The following PCSK2 variants were observed in gnomAD, a reference collection of about 807,000 sequenced individuals.
PCSK2 encodes the protein proprotein convertase subtilisin/kexin type 2.
A neutral mutation model predicts 69.7 loss-of-function variants in PCSK2; 14 were observed. The ratio of observed to expected loss-of-function variants is 0.20; its 90% CI spans 0.13 to 0.31. The LOEUF (loss-of-function observed/expected upper bound fraction) is 0.31. Ranked by LOEUF, PCSK2 falls within the 10% of genes least tolerant of loss-of-function variation. The probability of loss-of-function intolerance (pLI) is 1.00; values close to 1 mark genes in which losing one functional copy is unlikely to be tolerated. For synonymous variants in PCSK2, 307 were observed against 320.7 expected (o/e 0.96, Z 0.46); for missense variants, 544 against 842.5 (o/e 0.65, Z 4.39).
At chr20:17,334,943 T>A (rs1990303096) in intron 2 of PCSK2, among the ~76,000 whole-genome samples, 1 of 152,238 alleles carries the variant, frequency 6.6e-6, no homozygotes, top group African/African-American at 2.4e-5. Flanking sequence ...AAATCTGGTG[T>A]AAAACCGGCA....
At chr20:17,446,020 C>T (rs182990867) in intron 8 of PCSK2, among the ~76,000 whole-genome samples, 87 of 152,326 alleles carry the variant, frequency 5.7e-4, no homozygotes, top group African/African-American at 2.0e-3. Context: ...CAAACCAAGA[C>T]AGTTGGTCAC....
At chr20:17,268,033 G>GTATGTATATATATA (rs1433692727) in intron 2 of PCSK2, among the ~76,000 whole-genome samples, 4 of 66,338 alleles carry the variant, frequency 6.0e-5, no homozygotes, top group Admixed American at 1.8e-4. Context: ...TATCCAATGT[G>GTATGTATATATATA]TATATATATA....
At chr20:17,410,467 G>A (rs1019102970) in intron 6 of PCSK2, among the ~76,000 whole-genome samples, 2 of 152,086 alleles carry the variant, frequency 1.3e-5, no homozygotes, top group African/African-American at 2.4e-5. Context: ...GGTTGACACA[G>A]GGTACACAGG....
chr20:17,368,263 G>C (rs2030657783), intron 4 of PCSK2, among the ~76,000 whole-genome samples: 2 of 152,074 alleles, frequency 1.3e-5, no homozygotes, highest in African/African-American at 4.8e-5. Context: ...CAGCTGCTGG[G>C]CCAAGCATAC....
rs551727541 is a variant in PCSK2, at chr20:17,420,097, C to A, written c.621-9338C>A. Among the ~76,000 whole-genome samples the A allele has an allele frequency of 1.4e-4, 22 of 152,292 alleles. No homozygotes were observed. In the South Asian group the frequency reaches 1.5e-3, roughly 10 times the overall value. On this transcript the variant is annotated intron_variant, in intron 6 of 11. Coordinates refer to ENST00000262545, the MANE Select transcript of PCSK2 (RefSeq NM_002594.5). ...AATGTGATTGATAGCATTAGTTAAACCTTCAAATAAGAAAGGTTTTCTGGG... is the reference window on the plus strand; with the variant it reads ...AATGTGATTGATAGCATTAGTTAAAACTTCAAATAAGAAAGGTTTTCTGGG...
chr20:17,385,510 G>A (rs1024864524), intron 5 of PCSK2, among the ~76,000 whole-genome samples: 1 of 152,230 alleles, frequency 6.6e-6, no homozygotes, highest in Non-Finnish European at 1.5e-5. Context: ...CAAGTAGTTT[G>A]AATCTAGTTA....
chr20:17,317,559 G>C (rs1043695929), intron 2 of PCSK2, among the ~76,000 whole-genome samples: 1 of 152,124 alleles, frequency 6.6e-6, no homozygotes, highest in African/African-American at 2.4e-5. Flanking sequence ...TATTAGACGT[G>C]TTTTTCTTTT....
intron 5 of PCSK2, among the ~76,000 whole-genome samples, chr20:17,393,641 T>A (rs1002289265): frequency 3.9e-5 from 6 of 152,198 alleles, no homozygotes; most frequent in Non-Finnish European, 5.9e-5. Flanking sequence ...ACTAAAGATT[T>A]TCTGTTCAAA....
chr20:17,376,315 A>G (rs1480445010), intron 5 of PCSK2, among the ~76,000 whole-genome samples: 1 of 152,240 alleles, frequency 6.6e-6, no homozygotes, highest in Non-Finnish European at 1.5e-5. Flanking sequence ...CCTAGCTGCC[A>G]GCTGAACTGT....
In PCSK2 at chr20:17,273,285, G is replaced by T. The variant is rs1333069960; in HGVS notation, c.282+12941G>T. On this transcript the variant is annotated intron_variant, in intron 2 of 11. Coordinates refer to ENST00000262545, the MANE Select transcript of PCSK2 (RefSeq NM_002594.5). ...AATAATTATTCTAACACTTATTCAT[G>T]TGACATGGGCAAGTCATTTAACCTT... is the stretch of plus-strand genomic sequence containing the variant. Among the ~76,000 whole-genome samples the T allele has an allele frequency of 2.0e-5, 3 of 152,188 alleles. No homozygotes were observed. The East Asian group carries it at 5.8e-4, about 29-fold the overall frequency.
chr20:17,480,337 C>T (rs965508020), intron 11 of PCSK2, among the ~76,000 whole-genome samples: 2 of 151,696 alleles, frequency 1.3e-5, no homozygotes, highest in African/African-American at 4.8e-5. Context: ...CTACAGGCGC[C>T]CACCACCAAG....
Position 17,312,098 on chromosome 20 carries a change from G to A in PCSK2, c.283-46229G>A, listed in dbSNP as rs925152010. 3.3e-5 allele frequency among the ~76,000 whole-genome samples: 5 copies of A among 152,130 alleles called. No homozygotes were observed. In the East Asian group the frequency reaches 7.7e-4, roughly 23 times the overall value. On this transcript the variant is annotated intron_variant, in intron 2 of 11. Transcript: ENST00000262545. ...CTGCAAACACGTCATTTCATCAAAG[G>A]TTCTTTACAAAGCAGATGACATTGA...
chr20:17,409,775 A>G lies in PCSK2; in HGVS notation c.620+436A>G, dbSNP rs537152362. On this transcript the variant is annotated intron_variant, in intron 6 of 11. Coordinates refer to ENST00000262545, the MANE Select transcript of PCSK2 (RefSeq NM_002594.5). The stretch of plus-strand genomic sequence containing the variant: ...ATAACAGCTCATGGAGTCCCTTTCA[A>G]CAAAACAGTAAGTGTGATTGGCAGA... Among the ~76,000 whole-genome samples, 3 of 152,300 alleles carry G rather than the reference A, an allele frequency of 2.0e-5. No homozygotes were observed. The South Asian group carries it at 6.2e-4, about 32-fold the overall frequency.
At chr20:17,361,989 T>C (rs1461511487) in intron 4 of PCSK2, among the ~76,000 whole-genome samples, 2 of 152,186 alleles carry the variant, frequency 1.3e-5, no homozygotes, top group East Asian at 3.9e-4. Flanking sequence ...GTCATGACCA[T>C]TTCTAACAGC....
chr20:17,433,808 T>TCC (rs2032418565), intron 7 of PCSK2, among the ~76,000 whole-genome samples: 1 of 117,070 alleles, frequency 8.5e-6, no homozygotes, highest in Non-Finnish European at 1.8e-5. Context: ...TCTCTCTCTC[T>TCC]CTCTCCCCCC....
intron 5 of PCSK2, among the ~76,000 whole-genome samples, chr20:17,372,294 G>C (rs553408298): frequency 6.6e-6 from 1 of 151,896 alleles, no homozygotes; most frequent in Admixed American, 6.6e-5. Flanking sequence ...CAGGAGAATC[G>C]CTTGAACCCA....
chr20:17,299,896 A>G (rs1378469827), intron 2 of PCSK2, among the ~76,000 whole-genome samples: 1 of 152,108 alleles, frequency 6.6e-6, no homozygotes, highest in Non-Finnish European at 1.5e-5. Flanking sequence ...CCCTTGCTAT[A>G]TGTCTATTTT....
At chr20:17,396,729 G>A (rs752092138) in intron 5 of PCSK2, among the ~76,000 whole-genome samples, 11 of 151,868 alleles carry the variant, frequency 7.2e-5, no homozygotes, top group South Asian at 4.2e-4. Context: ...AGATCCTCCC[G>A]CCTCAGCCTC....
intron 2 of PCSK2, among the ~76,000 whole-genome samples, chr20:17,335,195 G>C (rs796136635): frequency 2.0e-5 from 3 of 150,524 alleles, no homozygotes; most frequent in African/African-American, 5.0e-5. Context: ...GCGGAGATTG[G>C]GGGGGTTGTC....
Sources: allele counts gnomAD v4.1 joint callset (sites outside exome capture counted in the v4.1 genomes callset), GRCh38; gene constraint gnomAD v4.1.1; transcripts MANE v1.5; gene names NCBI Gene and HGNC (gene_info 2026-07-23, HGNC 2026-07-21).